ADAMTS20: variants seen among roughly 807,000 people sequenced by gnomAD.
ADAMTS20 encodes ADAM metallopeptidase with thrombospondin type 1 motif 20.
ADAMTS20 carries 225 observed loss-of-function variants against 260.1 expected under a neutral mutation model. The observed-to-expected ratio is 0.87, with a 90% CI of 0.78 to 0.97. The LOEUF (loss-of-function observed/expected upper bound fraction) is 0.97. ADAMTS20 is among the 50% of genes least tolerant of loss of function. ADAMTS20 has a pLI of 0.00. For missense variants in ADAMTS20, 2,400 were observed against 2,337.7 expected (o/e 1.03, Z -0.55); for synonymous variants, 802 against 769.5 (o/e 1.04, Z -0.70).
chr12:43,402,727 C>T (rs1296128770), intron 28 of ADAMTS20, among the ~76,000 whole-genome samples: 2 of 151,964 alleles, frequency 1.3e-5, no homozygotes, highest in East Asian at 1.9e-4. Context: ...TGTTTTTTTC[C>T]CCTCCATTTT....
intron 29 of ADAMTS20, among the ~76,000 whole-genome samples, chr12:43,391,147 CACT>C (rs1180913055): frequency 3.3e-5 from 5 of 152,196 alleles, no homozygotes; most frequent in Admixed American, 2.6e-4. Context: ...GGTGCCTTCT[CACT>C]GTGTCGTCAC....
intron 19 of ADAMTS20, chr12:43,433,729 CACACACACACACAA>C (rs758188966): frequency 4.5e-6 from 2 of 448,500 alleles, no homozygotes; most frequent in African/African-American, 4.0e-5. Flanking sequence ...CACACACACA[CACACACACACACAA>C]ACCAAATAAC....
chr12:43,550,982 C>T lies in ADAMTS20; in HGVS notation c.380G>A (p.Arg127His), dbSNP rs1943504413. Residue 127 changes from arginine (R) to histidine (H), a missense_variant, in exon 2 of 39, where the codon CGC becomes CAC. Transcript: ENST00000389420. ...GACCTGGCCGCGGTAGAAGCAGTGGCGCAGGTCCGAGGGCCCTGCGTCGCT... is the reference window on the plus strand; with the variant it reads ...GACCTGGCCGCGGTAGAAGCAGTGGTGCAGGTCCGAGGGCCCTGCGTCGCT... Reference protein sequence around the residue: ...WESDAGPSDLRHCFYRGQVNS... With the variant: ...WESDAGPSDLHHCFYRGQVNS... The T allele has an allele frequency of 6.2e-7, 1 of 1,610,244 alleles. No individual in the cohort carries two copies. Among genetic ancestry groups the T allele is most frequent in the Non-Finnish European group, 8.5e-7 (1 of 1,177,606 alleles).
chr12:43,470,461 G>A (rs1186147726), intron 7 of ADAMTS20, among the ~76,000 whole-genome samples: 3 of 152,200 alleles, frequency 2.0e-5, no homozygotes, highest in Admixed American at 2.0e-4. Flanking sequence ...ATTCCCGTAA[G>A]CAGGCAACAC....
At chr12:43,434,198 T>C in intron 19 of ADAMTS20, 47 bp downstream of exon 19, 1 of 1,516,508 alleles carries the variant, frequency 6.6e-7, no homozygotes, top group Non-Finnish European at 8.9e-7. Flanking sequence ...ATTTTAATCT[T>C]AGCTCACTTA....
At chr12:43,497,152 C>G (rs549818117) in intron 4 of ADAMTS20, among the ~76,000 whole-genome samples, 6 of 152,188 alleles carry the variant, frequency 3.9e-5, no homozygotes, top group African/African-American at 1.4e-4. Context: ...GTTTCCTTCA[C>G]TTAAGTAGTT....
At chr12:43,480,260 G>A (rs999707016) in intron 7 of ADAMTS20, among the ~76,000 whole-genome samples, 2 of 152,154 alleles carry the variant, frequency 1.3e-5, no homozygotes, top group Admixed American at 6.5e-5. Flanking sequence ...GAAAATTACA[G>A]GCCATCTTCA....
At chr12:43,414,457 T>C (rs766210494) in intron 28 of ADAMTS20, among the ~76,000 whole-genome samples, 37 of 152,072 alleles carry the variant, frequency 2.4e-4, no homozygotes, top group Non-Finnish European at 4.0e-4. Context: ...TACATATATT[T>C]AACAGGGTAC....
intron 28 of ADAMTS20, among the ~76,000 whole-genome samples, chr12:43,419,450 A>C (rs1232402432): frequency 6.6e-6 from 1 of 152,150 alleles, no homozygotes; most frequent in African/African-American, 2.4e-5. Flanking sequence ...TGGGATATCT[A>C]AATGTACTAA....
intron 28 of ADAMTS20, among the ~76,000 whole-genome samples, chr12:43,416,601 G>A (rs1941135444): frequency 6.8e-6 from 1 of 147,274 alleles, no homozygotes; most frequent in African/African-American, 2.5e-5. Context: ...TCGGCTCACT[G>A]CAAGCTCCGC....
At chr12:43,366,798 G>A (rs138201394) in intron 37 of ADAMTS20, among the ~76,000 whole-genome samples, 3 of 151,704 alleles carry the variant, frequency 2.0e-5, no homozygotes, top group East Asian at 1.9e-4. Context: ...CAAAAGAATC[G>A]ATTAAAGGAA....
At position 43,452,524 on chromosome 12, in the gene ADAMTS20, T is replaced by C. The variant is rs1247395991; in HGVS notation, c.1932A>G (p.Arg644=). Residue 644 remains arginine (R), a synonymous_variant, in exon 13 of 39, where the codon AGA becomes AGG. Coordinates refer to ENST00000389420, the MANE Select transcript of ADAMTS20 (RefSeq NM_025003.5). ...GIPSNVRWLP[R]YSGIGTKDRC... is the part of the protein sequence containing the mutation. ...GCATAATTTACTTACTGCCACTGTA[T>C]CTTGGAAGCCACCTCACATTAGAGG... is the stretch of plus-strand genomic sequence containing the variant. 6.2e-7 allele frequency: 1 copy of C among 1,612,176 alleles called. No homozygotes were observed. Among genetic ancestry groups the C allele is most frequent in the Non-Finnish European group, 8.5e-7 (1 of 1,178,668 alleles).
At chr12:43,443,738 C>T (rs1352482006) in intron 16 of ADAMTS20, 53 bp downstream of exon 16, 1 of 1,407,362 alleles carries the variant, frequency 7.1e-7, no homozygotes, top group East Asian at 2.3e-5. Context: ...TACAGACTTC[C>T]ATGAAATTGC....
At chr12:43,355,627 T>G (rs2137176145) in intron 38 of ADAMTS20, among the ~76,000 whole-genome samples, 1 of 152,182 alleles carries the variant, frequency 6.6e-6, no homozygotes, top group Non-Finnish European at 1.5e-5. Context: ...CATAAAACAT[T>G]AGAGTATACC....
chr12:43,369,276 C>A lies in ADAMTS20; in HGVS notation c.5538+14G>T. 2.8e-6 allele frequency: 4 copies of A among 1,449,814 alleles called. No homozygotes were observed. The highest frequency in any genetic ancestry group is 2.6e-5 in the East Asian group (1 of 38,362). 89.8% of individuals were successfully genotyped at this position (1,449,814 alleles called of 1,614,324 possible). ...TCACAAAGAAAGAAAATTAATCAAA[C>A]AAATATGAAATACCTGTGGGCATCT... On this transcript the variant is annotated intron_variant, in intron 37 of 38. Coordinates refer to ENST00000389420, the MANE Select transcript of ADAMTS20 (RefSeq NM_025003.5).
intron 28 of ADAMTS20, among the ~76,000 whole-genome samples, chr12:43,417,495 A>T (rs1941153442): frequency 6.6e-6 from 1 of 152,222 alleles, no homozygotes; most frequent in Non-Finnish European, 1.5e-5. Flanking sequence ...AAATTAGTGT[A>T]TGAGCTTAAG....
chr12:43,467,868 G>C (rs1942183746), intron 8 of ADAMTS20, among the ~76,000 whole-genome samples: 1 of 152,064 alleles, frequency 6.6e-6, no homozygotes, highest in Non-Finnish European at 1.5e-5. Flanking sequence ...AATTAAATGT[G>C]GTCAAACTAA....
intron 28 of ADAMTS20, among the ~76,000 whole-genome samples, chr12:43,416,767 C>G (rs11182056): frequency 0.32 from 48,327 of 151,584 alleles, 8,292 homozygotes; most frequent in East Asian, 0.75. Flanking sequence ...CGTGATCCGA[C>G]CGCCTCGGCC....
In ADAMTS20 at chr12:43,466,199, T is replaced by C. The variant is rs1340987920; in HGVS notation, c.1367+453A>G. Among the ~76,000 whole-genome samples, 8 of 152,168 alleles carry C rather than the reference T, an allele frequency of 5.3e-5. No individual in the cohort carries two copies. The East Asian group carries it at 1.5e-3, about 29-fold the overall frequency. ...GTTAGAGACTTGGCATCTCTGTGGC[T>C]TTAGAGAACTAACAGAATAATTCGT... On this transcript the variant is annotated intron_variant, in intron 9 of 38. Transcript: ENST00000389420.
Sources: allele counts gnomAD v4.1 joint callset (sites outside exome capture counted in the v4.1 genomes callset), GRCh38; gene constraint gnomAD v4.1.1; transcripts MANE v1.5; gene names NCBI Gene and HGNC (gene_info 2026-07-23, HGNC 2026-07-21).